The following CCL28 variants were observed in gnomAD, a reference collection of about 807,000 sequenced individuals.
CCL28 encodes the protein C-C motif chemokine ligand 28, also known as C-C motif chemokine 28.
CCL28 carries 4 observed loss-of-function variants against 7.1 expected under a neutral mutation model. The ratio of observed to expected loss-of-function variants is 0.56; its 90% CI spans 0.28 to 1.29. CCL28 has a LOEUF of 1.29. Among genes scored for constraint, CCL28 ranks in the 50% most tolerant of loss-of-function variants. CCL28 has a pLI of 0.11. For missense variants in CCL28, 151 were observed against 163.4 expected, an observed-to-expected ratio of 0.92 and a Z score of 0.41; for synonymous variants, 55 against 57.8, an observed-to-expected ratio of 0.95 and a Z score of 0.22.
intron 1 of CCL28, among the ~76,000 whole-genome samples, chr5:43,410,327 C>T (rs929320039): frequency 6.6e-6 from 1 of 152,194 alleles, no homozygotes; most frequent in African/African-American, 2.4e-5. Flanking sequence ...CCCTCTATTC[C>T]ACGACTGTTC....
rs1029705399 is a variant in CCL28, at chr5:43,381,619, C to T, written c.*241G>A. 7.9e-6 allele frequency: 3 copies of T among 381,806 alleles called. No individual in the cohort carries two copies. Among genetic ancestry groups the T allele is most frequent in the African/African-American group, 2.1e-5 (1 of 47,856 alleles). The allele number at this position is 381,806 out of a possible 1,614,324, so 23.7% of individuals were successfully genotyped here. On this transcript the variant is annotated 3_prime_UTR_variant, in exon 3 of 3. Coordinates refer to ENST00000361115, the MANE Select transcript of CCL28 (RefSeq NM_148672.3). ...AAGTGATCCTCCTGCCTCAGCCTCC[C>T]GAAGTGCTGGGATAAAAGGTGTGAA...
downstream of CCL28, among the ~76,000 whole-genome samples, chr5:43,374,247 T>C (rs1739839715): frequency 6.6e-6 from 1 of 152,214 alleles, no homozygotes; most frequent in African/African-American, 2.4e-5. Flanking sequence ...TAAGTTTATA[T>C]GGAGGTAGAA....
Position 43,388,298 on chromosome 5 carries a change from C to A in CCL28, c.191+52G>T. ...CCTTTCCAACCTATTATTCGTTGGGCAGGGAAATAATCACTGTGCAGGTTT... is the reference window on the plus strand; with the variant it reads ...CCTTTCCAACCTATTATTCGTTGGGAAGGGAAATAATCACTGTGCAGGTTT... On this transcript the variant is annotated intron_variant, in intron 2 of 2. Coordinates refer to ENST00000361115, the MANE Select transcript of CCL28 (RefSeq NM_148672.3). 4.4e-6 allele frequency: 7 copies of A among 1,600,694 alleles called. No individual in the cohort carries two copies. In the South Asian group the frequency reaches 7.9e-5, roughly 18 times the overall value.
the CCL28 span, among the ~76,000 whole-genome samples, chr5:43,358,117 C>T: frequency 6.6e-6 from 1 of 152,246 alleles, no homozygotes; most frequent in Non-Finnish European, 1.5e-5. Flanking sequence ...CGTTCTGAAG[C>T]ACAATACAGG....
At chr5:43,400,571 A>G (rs1740989012) in intron 1 of CCL28, among the ~76,000 whole-genome samples, 1 of 152,054 alleles carries the variant, frequency 6.6e-6, no homozygotes, top group Non-Finnish European at 1.5e-5. Context: ...GGATCTCACT[A>G]CTCAAAGTGT....
At chr5:43,389,845 GC>G (rs1487347362) in intron 1 of CCL28, among the ~76,000 whole-genome samples, 1 of 152,170 alleles carries the variant, frequency 6.6e-6, no homozygotes, top group Non-Finnish European at 1.5e-5. Flanking sequence ...AATATAAGAG[GC>G]CAGGAAACAA....
At chr5:43,363,662 C>T in the CCL28 span, among the ~76,000 whole-genome samples, 1 of 152,208 alleles carries the variant, frequency 6.6e-6, no homozygotes, top group Admixed American at 6.5e-5. Context: ...GCAATTGGTG[C>T]CTTGCCTGCC....
intron 1 of CCL28, among the ~76,000 whole-genome samples, chr5:43,404,950 A>C (rs1332519528): frequency 6.6e-6 from 1 of 152,236 alleles, no homozygotes; most frequent in Non-Finnish European, 1.5e-5. Flanking sequence ...ATTCAACAAG[A>C]AGAGCTAACT....
rs372115992 is a variant in CCL28 at position 43,388,528 on chromosome 5, G to T, written c.65-52C>A. On this transcript the variant is annotated intron_variant, in intron 1 of 2. Coordinates refer to ENST00000361115, the MANE Select transcript of CCL28 (RefSeq NM_148672.3). Reference sequence around the variant, plus strand: ...TAAATTTTACGGTTTATAGAACACTGGCATGGTTCTCATTTTAAAGATTTC... The same window carrying T: ...TAAATTTTACGGTTTATAGAACACTTGCATGGTTCTCATTTTAAAGATTTC... 9.9e-5 allele frequency: 154 copies of T among 1,555,048 alleles called. No homozygotes were observed. In the African/African-American group the frequency reaches 1.9e-3, roughly 19 times the overall value.
chr5:43,370,988 C>T, the CCL28 span, among the ~76,000 whole-genome samples: 2 of 152,180 alleles, frequency 1.3e-5, no homozygotes, highest in Non-Finnish European at 2.9e-5. Flanking sequence ...GTGATCCACC[C>T]CCTTTGGCCT....
the CCL28 span, among the ~76,000 whole-genome samples, chr5:43,363,505 G>A: frequency 6.6e-6 from 1 of 152,222 alleles, no homozygotes; most frequent in Non-Finnish European, 1.5e-5. Context: ...TCCATACCCT[G>A]AGTGGTAAGG....
chr5:43,391,463 T>C (rs1379328229), intron 1 of CCL28, among the ~76,000 whole-genome samples: 1 of 152,228 alleles, frequency 6.6e-6, no homozygotes, highest in East Asian at 1.9e-4. Flanking sequence ...TCACCTAAAC[T>C]AATACTTCTG....
intron 1 of CCL28, among the ~76,000 whole-genome samples, chr5:43,404,247 G>A (rs1741169753): frequency 6.6e-6 from 1 of 152,178 alleles, no homozygotes; most frequent in African/African-American, 2.4e-5. Context: ...AATGTTAAGG[G>A]CAGCCAGAGA....
the CCL28 span, among the ~76,000 whole-genome samples, chr5:43,370,879 T>A: frequency 2.0e-5 from 3 of 151,954 alleles, no homozygotes. Flanking sequence ...GTAGCTGGGA[T>A]TACAGGCACC....
chr5:43,379,018 TCAGA>T (rs1739998829), downstream of CCL28, among the ~76,000 whole-genome samples: 2 of 152,230 alleles, frequency 1.3e-5, no homozygotes, highest in South Asian at 2.1e-4. Context: ...CACACTATCT[TCAGA>T]CAAAGTTCAA....
At chr5:43,360,637 T>C in the CCL28 span, among the ~76,000 whole-genome samples, 1 of 152,146 alleles carries the variant, frequency 6.6e-6, no homozygotes, top group South Asian at 2.1e-4. Context: ...TCATGGTGTA[T>C]ATGTACTAAA....
downstream of CCL28, among the ~76,000 whole-genome samples, chr5:43,377,717 C>CTTTTT (rs767834184): frequency 0.079 from 3,363 of 42,632 alleles, 1,143 homozygotes; most frequent in Non-Finnish European, 0.097. Context: ...AGAACTTAAA[C>CTTTTT]TTTTTTTTTT....
At chr5:43,370,500 C>G in the CCL28 span, among the ~76,000 whole-genome samples, 1 of 152,176 alleles carries the variant, frequency 6.6e-6, no homozygotes, top group Non-Finnish European at 1.5e-5. Flanking sequence ...TTTACATACT[C>G]AGGAATTTAT....
the CCL28 span, among the ~76,000 whole-genome samples, chr5:43,357,440 A>G: frequency 6.6e-6 from 1 of 152,224 alleles, no homozygotes; most frequent in Non-Finnish European, 1.5e-5. Flanking sequence ...CTTTGACACC[A>G]TTCAGGATAG....
Sources: gnomAD v4.1 joint callset for allele counts (sites outside exome capture counted in the v4.1 genomes callset) on GRCh38, gnomAD v4.1.1 for gene constraint, MANE v1.5 for transcripts, NCBI Gene and HGNC (gene_info 2026-07-23, HGNC 2026-07-21) for gene names.